The following DACH2 variants were observed in gnomAD, a reference collection of about 807,000 sequenced individuals.
The protein encoded by DACH2 is dachshund homolog 2.
A neutral mutation model predicts 35.8 loss-of-function variants in DACH2; 17 were observed. That is an observed-to-expected ratio of 0.48 (90% CI 0.33 to 0.71). DACH2 has a LOEUF of 0.71. DACH2 is among the 30% of genes least tolerant of loss of function. The pLI is 0.02. For missense variants in DACH2, 469 were observed against 472.7 expected (o/e 0.99, Z 0.07); for synonymous variants, 195 against 177.3 (o/e 1.10, Z -0.79).
intron 3 of DACH2, among the ~76,000 whole-genome samples, chrX:86,569,071 CCA>C (rs1377383980): frequency 9.0e-6 from 1 of 111,245 alleles, no homozygotes; most frequent in African/African-American, 3.3e-5. Context: ...AAGATTTAGC[CCA>C]CAGTCTTTAC....
At chrX:86,284,853 C>A (rs1317072996) in intron 1 of DACH2, among the ~76,000 whole-genome samples, 1 of 111,011 alleles carries the variant, frequency 9.0e-6, no homozygotes, top group Admixed American at 9.6e-5. Flanking sequence ...TGAACTTCTT[C>A]ATGATTCAAT....
intron 1 of DACH2, among the ~76,000 whole-genome samples, chrX:86,372,172 G>C (rs184915431): frequency 1.5e-3 from 164 of 111,072 alleles, no homozygotes; most frequent in African/African-American, 4.8e-3. Flanking sequence ...TATTTAATCT[G>C]TGTTTATCTG....
intron 6 of DACH2, among the ~76,000 whole-genome samples, chrX:86,734,832 A>C (rs749930424): frequency 9.8e-5 from 11 of 111,871 alleles, no homozygotes; most frequent in Admixed American, 1.9e-4. Context: ...TTCAAGTTAC[A>C]GTCTGTTCTG....
intron 2 of DACH2, among the ~76,000 whole-genome samples, chrX:86,484,393 C>A (rs1340837743): frequency 2.7e-5 from 3 of 111,541 alleles, no homozygotes; most frequent in Non-Finnish European, 5.6e-5. Context: ...TGTCTGTTGG[C>A]ATTGTTGGCA....
chrX:86,536,088 A>AAGGGAGAG (rs1374677610), intron 3 of DACH2, among the ~76,000 whole-genome samples: 1 of 110,939 alleles, frequency 9.0e-6, no homozygotes, highest in Non-Finnish European at 1.9e-5. Flanking sequence ...GGGGAAGGGG[A>AAGGGAGAG]AGGGAGAGAG....
rs752562415 is a variant in DACH2, at chrX:86,375,521, A to G, written c.489-1303A>G. Among the ~76,000 whole-genome samples the G allele has an allele frequency of 4.5e-4, 48 of 106,123 alleles. 1 individual carries two copies. Among genetic ancestry groups the G allele is most frequent in the African/African-American group, 1.6e-3 (48 of 29,448 alleles). 92.2% of individuals were successfully genotyped at this position (106,123 alleles called of 115,157 possible). On this transcript the variant is annotated intron_variant, in intron 1 of 11. Transcript: ENST00000373125. Reference sequence around the variant, plus strand: ...TGAAAAAGTGCCCTCAAATCCAGTCATATATAGCCCATTAAAATAAGGAAG... The same window carrying G: ...TGAAAAAGTGCCCTCAAATCCAGTCGTATATAGCCCATTAAAATAAGGAAG...
chrX:86,291,436 G>C (rs1202377460), intron 1 of DACH2, among the ~76,000 whole-genome samples: 13 of 100,345 alleles, frequency 1.3e-4, no homozygotes, highest in Non-Finnish European at 2.2e-4. Flanking sequence ...TGCCTAATTG[G>C]CCTGGCCAGA....
At chrX:86,274,486 C>CTTTTTTTTTTTTT (rs1569324707) in intron 1 of DACH2, among the ~76,000 whole-genome samples, 1 of 12,176 alleles carries the variant, frequency 8.2e-5, no homozygotes, top group African/African-American at 5.9e-4. Context: ...GAGACGGAGT[C>CTTTTTTTTTTTTT]TTTCTGTTTT....
chrX:86,707,294 T>C (rs2041226849), intron 5 of DACH2, among the ~76,000 whole-genome samples: 1 of 111,704 alleles, frequency 9.0e-6, no homozygotes, highest in African/African-American at 3.3e-5. Context: ...AAGAAACAGA[T>C]AATCTGAAAA....
intron 1 of DACH2, among the ~76,000 whole-genome samples, chrX:86,320,943 T>A (rs1457751056): frequency 9.0e-6 from 1 of 111,553 alleles, no homozygotes; most frequent in African/African-American, 3.3e-5. Flanking sequence ...TATGAGATGG[T>A]ATAAAGGGTG....
At chrX:86,232,186 A>C (rs1402564863) in intron 1 of DACH2, among the ~76,000 whole-genome samples, 2 of 111,428 alleles carry the variant, frequency 1.8e-5, no homozygotes, top group African/African-American at 6.5e-5. Flanking sequence ...AAAAGATAAC[A>C]TATACACAAA....
intron 3 of DACH2, among the ~76,000 whole-genome samples, chrX:86,600,809 G>A (rs988669100): frequency 9.0e-6 from 1 of 111,310 alleles, no homozygotes; most frequent in Non-Finnish European, 1.9e-5. Flanking sequence ...TTGGCCGGAT[G>A]CTTGAGACTT....
chrX:86,550,552 C>G (rs1289354544), intron 3 of DACH2, among the ~76,000 whole-genome samples: 1 of 110,976 alleles, frequency 9.0e-6, no homozygotes, highest in Admixed American at 9.6e-5. Flanking sequence ...TTTCTTCATA[C>G]TAGGGCCATG....
At chrX:86,266,623 G>C (rs2033717792) in intron 1 of DACH2, among the ~76,000 whole-genome samples, 1 of 111,322 alleles carries the variant, frequency 9.0e-6, no homozygotes, top group Non-Finnish European at 1.9e-5. Context: ...TAATAGTGTG[G>C]GTTCTTGAAC....
At chrX:86,155,738 A>G (rs1186062608) in intron 1 of DACH2, among the ~76,000 whole-genome samples, 1 of 111,108 alleles carries the variant, frequency 9.0e-6, no homozygotes, top group African/African-American at 3.3e-5. Flanking sequence ...CAGTTTTTAG[A>G]TGTAGATCCT....
At position 86,622,222 on chromosome X, in the gene DACH2, C is replaced by G. The variant is rs776908086; in HGVS notation, c.641-28814C>G. On this transcript the variant is annotated intron_variant, in intron 3 of 11. Transcript: ENST00000373125. Reference sequence around the variant, plus strand: ...AAACTAAAGTATTATAAAAGCTAAACAATGCCAAGTGAATTTTGCTGAGAT... The same window carrying G: ...AAACTAAAGTATTATAAAAGCTAAAGAATGCCAAGTGAATTTTGCTGAGAT... Among the ~76,000 whole-genome samples the G allele has an allele frequency of 8.0e-5, 9 of 111,850 alleles. No homozygotes were observed. In the South Asian group the frequency reaches 3.3e-3, roughly 41 times the overall value.
intron 1 of DACH2, among the ~76,000 whole-genome samples, chrX:86,208,156 T>C (rs1188142433): frequency 9.0e-6 from 1 of 110,958 alleles, no homozygotes; most frequent in African/African-American, 3.3e-5. Context: ...GTTTCTAATA[T>C]AAGGTATGAA....
intron 2 of DACH2, among the ~76,000 whole-genome samples, chrX:86,467,029 G>A (rs2037683242): frequency 8.9e-6 from 1 of 111,897 alleles, no homozygotes; most frequent in Admixed American, 9.5e-5. Flanking sequence ...TTTCCCCAAC[G>A]TTTTGGTGAT....
At chrX:86,361,886 T>G (rs1040142279) in intron 1 of DACH2, among the ~76,000 whole-genome samples, 2 of 111,233 alleles carry the variant, frequency 1.8e-5, no homozygotes, top group South Asian at 7.4e-4. Flanking sequence ...CTTGCAACCT[T>G]TATAAATAAT....
Sources: gnomAD v4.1 joint callset for allele counts (sites outside exome capture counted in the v4.1 genomes callset) on GRCh38, gnomAD v4.1.1 for gene constraint, MANE v1.5 for transcripts, NCBI Gene and HGNC (gene_info 2026-07-23, HGNC 2026-07-21) for gene names.